The following DOCK7 variants were observed in gnomAD, a reference collection of about 807,000 sequenced individuals.
The protein encoded by DOCK7 is dedicator of cytokinesis 7.
In DOCK7, 138 loss-of-function variants were observed where a neutral mutation model predicts 271.0. The ratio of observed to expected loss-of-function variants is 0.51; its 90% confidence interval spans 0.44 to 0.59. The LOEUF (loss-of-function observed/expected upper bound fraction) is 0.59. Among genes scored for constraint, DOCK7 ranks in the 20% least tolerant of loss-of-function variants. The pLI is 0.00. For synonymous variants in DOCK7, 823 were observed against 876.1 expected, an observed-to-expected ratio of 0.94 and a Z score of 1.07; for missense variants, 2,066 against 2,592.4, an observed-to-expected ratio of 0.80 and a Z score of 4.41.
chr1:62,633,708 T>C, intron 9 of DOCK7, 130 bp from the exon 10 acceptor site: 5 of 633,894 alleles, frequency 7.9e-6, no homozygotes, highest in Non-Finnish European at 1.4e-5. Flanking sequence ...TCAATTGCTG[T>C]AGAACAAACA....
chr1:62,478,772 T>C (rs968467244), intron 43 of DOCK7: 1 of 151,690 alleles, frequency 6.6e-6, no homozygotes, highest in Non-Finnish European at 1.5e-5. Flanking sequence ...GAAAAAAAAA[T>C]CTATGAGTGA....
At chr1:62,547,946 T>A (rs1645764745) in intron 22 of DOCK7, among the ~76,000 whole-genome samples, 1 of 152,144 alleles carries the variant, frequency 6.6e-6, no homozygotes, top group African/African-American at 2.4e-5. Context: ...AAATACATAA[T>A]TAATCCCAAT....
chr1:62,625,681 T>C (rs1204418882), intron 11 of DOCK7, among the ~76,000 whole-genome samples: 5 of 152,248 alleles, frequency 3.3e-5, no homozygotes, highest in South Asian at 2.1e-4. Context: ...AGAGGAAGTA[T>C]GCATTTACTA....
chr1:62,547,159 T>A (rs1417429577), intron 22 of DOCK7, among the ~76,000 whole-genome samples: 1 of 152,168 alleles, frequency 6.6e-6, no homozygotes, highest in African/African-American at 2.4e-5. Flanking sequence ...TATATTTATA[T>A]ACACAATACT....
intron 13 of DOCK7, among the ~76,000 whole-genome samples, chr1:62,619,637 T>C (rs1362531071): frequency 6.6e-6 from 1 of 152,180 alleles, no homozygotes; most frequent in Non-Finnish European, 1.5e-5. Flanking sequence ...CACATCGTGG[T>C]TGACTACAGG....
chr1:62,617,482 T>C (rs1489720253), intron 14 of DOCK7, among the ~76,000 whole-genome samples: 1 of 151,912 alleles, frequency 6.6e-6, no homozygotes, highest in Non-Finnish European at 1.5e-5. Flanking sequence ...GATAGCAAAA[T>C]TCAAGATCAG....
At chr1:62,533,127 C>G (rs1395895756) in intron 29 of DOCK7, among the ~76,000 whole-genome samples, 2 of 151,960 alleles carry the variant, frequency 1.3e-5, no homozygotes, top group Non-Finnish European at 2.9e-5. Flanking sequence ...ATCAGGCAGC[C>G]GTTTTCTTAT....
intron 20 of DOCK7, among the ~76,000 whole-genome samples, chr1:62,557,886 C>T (rs145990585): frequency 9.2e-5 from 14 of 152,052 alleles, no homozygotes; most frequent in African/African-American, 3.4e-4. Flanking sequence ...CATGTTTTAA[C>T]AGGAACTCAT....
intron 1 of DOCK7, among the ~76,000 whole-genome samples, chr1:62,669,024 G>A (rs1160018094): frequency 6.6e-6 from 1 of 151,902 alleles, no homozygotes; most frequent in African/African-American, 2.4e-5. Context: ...AACTTCAAGA[G>A]GTATGTATAT....
intron 14 of DOCK7, among the ~76,000 whole-genome samples, chr1:62,589,592 T>C (rs550762669): frequency 6.6e-6 from 1 of 151,902 alleles, no homozygotes; most frequent in African/African-American, 2.4e-5. Context: ...TTCTAGACAA[T>C]TTAAGTACAA....
At chr1:62,671,388 G>A (rs923165578) in intron 1 of DOCK7, among the ~76,000 whole-genome samples, 1 of 152,210 alleles carries the variant, frequency 6.6e-6, no homozygotes, top group Non-Finnish European at 1.5e-5. Flanking sequence ...AAGAATGCTT[G>A]AATGGAACAA....
In DOCK7 at chr1:62,555,979, A is replaced by G; in HGVS notation, c.2442T>C (p.Gly814=). The G allele has an allele frequency of 6.2e-7, 1 of 1,613,098 alleles. No homozygotes were observed. The highest frequency in any genetic ancestry group is 8.5e-7 in the Non-Finnish European group (1 of 1,179,800). The part of the protein sequence containing the change: ...PVIAGQIVNL[G]QASFEAMASI... The stretch of plus-strand genomic sequence containing the variant: ...ATGCCATGGCTTCAAAAGATGCTTG[A>G]CCTAGGTTAACTTTTAAGAAAGAAG... The change falls in exon 21 of 50, where the codon GGT becomes GGC. Residue 814 remains glycine (G), a synonymous_variant. Transcript: ENST00000635253.
chr1:62,562,794 C>A (rs1365439656), intron 18 of DOCK7, among the ~76,000 whole-genome samples: 1 of 151,990 alleles, frequency 6.6e-6, no homozygotes, highest in Non-Finnish European at 1.5e-5. Context: ...AACCCAGAAA[C>A]GCCAAAAGAA....
chr1:62,498,964 G>C (rs868122425), intron 37 of DOCK7, among the ~76,000 whole-genome samples: 1 of 152,074 alleles, frequency 6.6e-6, no homozygotes, highest in Middle Eastern at 3.2e-3. Flanking sequence ...ACCATGCTTG[G>C]CTAATTTTTA....
intron 14 of DOCK7, among the ~76,000 whole-genome samples, chr1:62,613,663 T>C (rs1252232708): frequency 6.6e-6 from 1 of 152,178 alleles, no homozygotes; most frequent in African/African-American, 2.4e-5. Context: ...AATCTGTCAC[T>C]TTCAGAATAC....
At chr1:62,593,210 G>A (rs1028652275) in intron 14 of DOCK7, among the ~76,000 whole-genome samples, 3 of 152,136 alleles carry the variant, frequency 2.0e-5, no homozygotes, top group Admixed American at 2.0e-4. Flanking sequence ...AATGTTAATA[G>A]AGTCGAGATT....
chr1:62,460,364 A>T (rs1299136088), intron 48 of DOCK7, among the ~76,000 whole-genome samples: 1 of 152,180 alleles, frequency 6.6e-6, no homozygotes, highest in East Asian at 1.9e-4. Context: ...TGTGTTGAAC[A>T]TGTACAGACT....
chr1:62,597,669 T>C, intron 14 of DOCK7: 3 of 1,613,528 alleles, frequency 1.9e-6, no homozygotes, highest in Non-Finnish European at 2.5e-6. Context: ...AGAGCCAAAA[T>C]CAAGATTTGC....
chr1:62,590,460 TA>T (rs1162324317), intron 14 of DOCK7, among the ~76,000 whole-genome samples: 1 of 152,160 alleles, frequency 6.6e-6, no homozygotes, highest in Non-Finnish European at 1.5e-5. Context: ...TAACCTGAAG[TA>T]TGTCTATAAT....
Sources: allele counts gnomAD v4.1 joint callset (sites outside exome capture counted in the v4.1 genomes callset), GRCh38; gene constraint gnomAD v4.1.1; transcripts MANE v1.5; gene names NCBI Gene and HGNC (gene_info 2026-07-23, HGNC 2026-07-21).